Variants in MCU observed in about 807,000 individuals in gnomAD.
The protein encoded by MCU is calcium uniporter protein, mitochondrial.
In MCU, 12 loss-of-function variants were observed where a neutral mutation model predicts 45.2. That is an observed-to-expected ratio of 0.27 (90% confidence interval 0.17 to 0.43). MCU has a LOEUF of 0.43. Among genes scored for constraint, MCU ranks in the 20% least tolerant of loss-of-function variants. MCU has a pLI of 1.00. For missense variants in MCU, 324 were observed against 436.7 expected, an observed-to-expected ratio of 0.74 and a Z score of 2.30; for synonymous variants, 160 against 165.1, an observed-to-expected ratio of 0.97 and a Z score of 0.24.
intron 1 of MCU, among the ~76,000 whole-genome samples, chr10:72,737,785 G>T (rs1385594744): frequency 6.6e-6 from 1 of 152,096 alleles, no homozygotes; most frequent in East Asian, 1.9e-4. Context: ...CTCCCAAAGT[G>T]CTGGGATTTC....
chr10:72,883,003 C>T (rs1224819432), intron 6 of MCU, among the ~76,000 whole-genome samples: 2 of 152,258 alleles, frequency 1.3e-5, no homozygotes, highest in African/African-American at 2.4e-5. Context: ...ACTATCAGGG[C>T]AGATTCCCCG....
chr10:72,861,605 C>T (rs1845377004), intron 4 of MCU: 2 of 349,262 alleles, frequency 5.7e-6, no homozygotes, highest in Admixed American at 8.2e-5. Flanking sequence ...CCTTGGCCTC[C>T]CAAAGTGCTG....
At chr10:72,742,866 C>T (rs1391317784) in intron 1 of MCU, among the ~76,000 whole-genome samples, 1 of 152,032 alleles carries the variant, frequency 6.6e-6, no homozygotes, top group Non-Finnish European at 1.5e-5. Flanking sequence ...TGGGCAACTC[C>T]TGAGGTGATT....
intron 1 of MCU, among the ~76,000 whole-genome samples, chr10:72,757,595 AT>A (rs11414771): frequency 2.2e-4 from 34 of 151,688 alleles, no homozygotes; most frequent in African/African-American, 8.0e-4. Flanking sequence ...GTTCATAATA[AT>A]TTTTTTTTAA....
intron 1 of MCU, among the ~76,000 whole-genome samples, chr10:72,786,149 C>T (rs1844068844): frequency 6.6e-6 from 1 of 151,700 alleles, no homozygotes; most frequent in Non-Finnish European, 1.5e-5. Context: ...GAGATGTCAT[C>T]CAGTTTAGTT....
intron 1 of MCU, among the ~76,000 whole-genome samples, chr10:72,793,315 C>T (rs1193640732): frequency 1.3e-5 from 2 of 152,106 alleles, no homozygotes; most frequent in Admixed American, 1.3e-4. Flanking sequence ...GATATTGAAA[C>T]CACTTAAAAA....
At chr10:72,840,238 G>A (rs1049690704) in intron 2 of MCU, among the ~76,000 whole-genome samples, 1 of 152,156 alleles carries the variant, frequency 6.6e-6, no homozygotes, top group Non-Finnish European at 1.5e-5. Flanking sequence ...TAATGGATGT[G>A]TAATATTACT....
At chr10:72,779,058 C>T (rs531702155) in intron 1 of MCU, among the ~76,000 whole-genome samples, 1 of 152,250 alleles carries the variant, frequency 6.6e-6, no homozygotes, top group African/African-American at 2.4e-5. Flanking sequence ...CAACCTCCGC[C>T]TCCTGGGTTC....
chr10:72,851,053 C>T (rs186814118), intron 2 of MCU, among the ~76,000 whole-genome samples: 5 of 152,242 alleles, frequency 3.3e-5, no homozygotes, highest in South Asian at 2.1e-4. Context: ...AGAAATCTAA[C>T]GTTGACATTA....
chr10:72,850,334 A>C (rs1446951125), intron 2 of MCU, among the ~76,000 whole-genome samples: 1 of 152,198 alleles, frequency 6.6e-6, no homozygotes, highest in Non-Finnish European at 1.5e-5. Flanking sequence ...CGACAATGTT[A>C]AGATCATAAG....
chr10:72,808,365 T>G (rs1349814804), intron 1 of MCU, among the ~76,000 whole-genome samples: 1 of 152,196 alleles, frequency 6.6e-6, no homozygotes. Context: ...ACGGAACATA[T>G]AATGATTGCA....
chr10:72,702,392 A>G (rs1011398536), intron 1 of MCU, among the ~76,000 whole-genome samples: 3 of 152,210 alleles, frequency 2.0e-5, no homozygotes, highest in African/African-American at 4.8e-5. Flanking sequence ...CTGGCAAAAT[A>G]CTATTCCCAT....
At position 72,716,440 on chromosome 10, in the gene MCU, G is replaced by A. The variant is rs181910868; in HGVS notation, c.150+24139G>A. Among the ~76,000 whole-genome samples, 220 of 152,280 alleles carry A rather than the reference G, an allele frequency of 1.4e-3. 3 individuals carry two copies. The South Asian group carries it at 0.039, about 27-fold the overall frequency. On this transcript the variant is annotated intron_variant, in intron 1 of 7. Transcript: ENST00000373053. ...GTTACTGAAATGGAAAGCTGTAATG[G>A]CAGTCCAGCTTCTTTATCTTTTCTT...
At chr10:72,855,409 C>T (rs1050975388) in intron 2 of MCU, among the ~76,000 whole-genome samples, 2 of 151,300 alleles carry the variant, frequency 1.3e-5, no homozygotes, top group Non-Finnish European at 2.9e-5. Context: ...GAGACCCTGT[C>T]TCTACCCCCA....
rs373886821 is a variant in MCU at position 72,748,324 on chromosome 10, A to G, written c.150+56023A>G. 5.4e-3 allele frequency among the ~76,000 whole-genome samples: 824 copies of G among 152,366 alleles called. 5 individuals carry two copies. The highest frequency in any genetic ancestry group is 0.019 in the African/African-American group (785 of 41,584). On this transcript the variant is annotated intron_variant, in intron 1 of 7. Transcript: ENST00000373053. The stretch of plus-strand genomic sequence containing the variant: ...TGGCCTCCCGAAGTGCTGGGATTAC[A>G]GGCGTGTGCCACCGCACCGGCCAAC...
intron 1 of MCU, among the ~76,000 whole-genome samples, chr10:72,769,131 C>G (rs1442931071): frequency 6.6e-6 from 1 of 152,146 alleles, no homozygotes; most frequent in African/African-American, 2.4e-5. Context: ...CAGGTGTGAG[C>G]CATCATGCCC....
At chr10:72,781,811 C>A (rs150266781) in intron 1 of MCU, among the ~76,000 whole-genome samples, 1 of 151,912 alleles carries the variant, frequency 6.6e-6, no homozygotes, top group South Asian at 2.1e-4. Context: ...AAGGTCTTTG[C>A]GACTTGGCCA....
At chr10:72,707,647 G>A (rs3009550) in intron 1 of MCU, among the ~76,000 whole-genome samples, 75,857 of 146,792 alleles carry the variant, frequency 0.52, 21,296 homozygotes, top group Non-Finnish European at 0.63. Flanking sequence ...GTGTGTGTGT[G>A]TTTCCCACCA....
intron 4 of MCU, among the ~76,000 whole-genome samples, chr10:72,866,400 G>GT (rs1426143427): frequency 2.6e-5 from 4 of 151,846 alleles, no homozygotes; most frequent in East Asian, 1.9e-4. Context: ...TAATACTAGG[G>GT]TTTTTTTGTG....
Sources: allele counts gnomAD v4.1 joint callset (sites outside exome capture counted in the v4.1 genomes callset), GRCh38; gene constraint gnomAD v4.1.1; transcripts MANE v1.5; gene names NCBI Gene and HGNC (gene_info 2026-07-23, HGNC 2026-07-21).